NTN4: variants seen among roughly 807,000 people sequenced by gnomAD.
The protein encoded by NTN4 is netrin 4.
A neutral mutation model predicts 73.6 loss-of-function variants in NTN4; 32 were observed. That is an observed-to-expected ratio of 0.44 (90% CI 0.33 to 0.58). The LOEUF (loss-of-function observed/expected upper bound fraction) is 0.58. Ranked by LOEUF, NTN4 falls within the 20% of genes least tolerant of loss-of-function variation. The pLI, the probability that NTN4 is intolerant of heterozygous loss-of-function variation, is 0.04. For synonymous variants in NTN4, 258 were observed against 287.5 expected (o/e 0.90, Z 1.04); for missense variants, 654 against 798.3 (o/e 0.82, Z 2.18).
At chr12:95,767,122 C>T (rs185196917) in intron 2 of NTN4, among the ~76,000 whole-genome samples, 3 of 152,218 alleles carry the variant, frequency 2.0e-5, no homozygotes, top group Admixed American at 1.3e-4. Flanking sequence ...CGTGGAGCAC[C>T]CAGGGCTAGC....
At chr12:95,678,789 T>C (rs879707421) in intron 7 of NTN4, among the ~76,000 whole-genome samples, 6 of 151,954 alleles carry the variant, frequency 3.9e-5, no homozygotes, top group Non-Finnish European at 5.9e-5. Flanking sequence ...AAAAAAAAAG[T>C]GACACATATA....
chr12:95,722,973 C>CAAAA (rs71087998), intron 3 of NTN4, among the ~76,000 whole-genome samples: 4,496 of 55,284 alleles, frequency 0.081, 965 homozygotes, highest in Non-Finnish European at 0.11. Context: ...GACTCTGTCT[C>CAAAA]AAAAAAAAAA....
chr12:95,696,724 A>G (rs1214450322), intron 5 of NTN4, among the ~76,000 whole-genome samples: 1 of 152,242 alleles, frequency 6.6e-6, no homozygotes, highest in Non-Finnish European at 1.5e-5. Flanking sequence ...GTAGTACTGG[A>G]TACTGGATAC....
chr12:95,753,587 A>G (rs2078926131), intron 2 of NTN4, among the ~76,000 whole-genome samples: 1 of 149,766 alleles, frequency 6.7e-6, no homozygotes, highest in Non-Finnish European at 1.5e-5. Context: ...TATTAGTCAA[A>G]TCAGCCAAGC....
At chr12:95,726,871 G>A (rs909528587) in intron 3 of NTN4, among the ~76,000 whole-genome samples, 3 of 152,118 alleles carry the variant, frequency 2.0e-5, no homozygotes, top group Non-Finnish European at 4.4e-5. Context: ...TCAGAAGGCT[G>A]AGGCAGGAGA....
intron 2 of NTN4, among the ~76,000 whole-genome samples, chr12:95,753,405 G>A (rs1377458572): frequency 6.8e-6 from 1 of 147,356 alleles, no homozygotes; most frequent in Non-Finnish European, 1.5e-5. Context: ...AACATGTCCC[G>A]AGTCAGGAAA....
At chr12:95,778,213 A>G (rs142529364) in intron 2 of NTN4, among the ~76,000 whole-genome samples, 6,716 of 152,298 alleles carry the variant, frequency 0.044, 493 homozygotes, top group African/African-American at 0.15. Flanking sequence ...AAAGCAGGAA[A>G]TATCTAAAAT....
chr12:95,676,740 A>G (rs909678938), intron 7 of NTN4, among the ~76,000 whole-genome samples: 1 of 152,134 alleles, frequency 6.6e-6, no homozygotes, highest in African/African-American at 2.4e-5. Context: ...TTAGTGAAAT[A>G]AAGAAAAATT....
intron 2 of NTN4, 137 bp downstream of exon 2, chr12:95,786,802 T>G: frequency 1.4e-6 from 1 of 718,320 alleles, no homozygotes; most frequent in South Asian, 2.0e-5. Flanking sequence ...AGAAATAATT[T>G]ATGACAAATA....
At chr12:95,718,755 T>C (rs1245234959) in intron 3 of NTN4, among the ~76,000 whole-genome samples, 1 of 152,206 alleles carries the variant, frequency 6.6e-6, no homozygotes, top group Non-Finnish European at 1.5e-5. Context: ...GAAGACAGAC[T>C]TTCATTCATC....
chr12:95,763,634 CAT>C (rs1335151938), intron 2 of NTN4, among the ~76,000 whole-genome samples: 2 of 152,240 alleles, frequency 1.3e-5, no homozygotes, highest in Non-Finnish European at 2.9e-5. Flanking sequence ...CTCGTAAGCA[CAT>C]GTTACTAATG....
At position 95,658,187 on chromosome 12, in the gene NTN4, T is replaced by C. The variant is rs910117595; in HGVS notation, c.*899A>G. 2 of 152,212 alleles carry C rather than the reference T, an allele frequency of 1.3e-5. No individual in the cohort carries two copies. The highest frequency in any genetic ancestry group is 2.9e-5 in the Non-Finnish European group (2 of 68,040). The allele number at this position is 152,212 out of a possible 1,614,324, so 9.4% of individuals were successfully genotyped here. The stretch of plus-strand genomic sequence containing the variant: ...TGTCTACAATAATTTTTGAAGTGTA[T>C]ACAAGTGCATTGCAAATGAGCTCTT... On this transcript the variant is annotated 3_prime_UTR_variant, in exon 10 of 10. Coordinates refer to ENST00000343702, the MANE Select transcript of NTN4 (RefSeq NM_021229.4).
chr12:95,738,389 A>G (rs1365610734), intron 2 of NTN4, among the ~76,000 whole-genome samples: 1 of 152,216 alleles, frequency 6.6e-6, no homozygotes, highest in African/African-American at 2.4e-5. Context: ...CCCTTGAGAT[A>G]AAGGCAGCCA....
At chr12:95,682,080 T>TTTTTTTA (rs869040983) in intron 7 of NTN4, among the ~76,000 whole-genome samples, 5 of 118,456 alleles carry the variant, frequency 4.2e-5, no homozygotes, top group African/African-American at 1.1e-4. Context: ...TTTTTTTTTT[T>TTTTTTTA]GAGACAAGGT....
intron 3 of NTN4, among the ~76,000 whole-genome samples, chr12:95,718,147 T>G (rs894917512): frequency 1.3e-5 from 2 of 152,196 alleles, no homozygotes; most frequent in African/African-American, 4.8e-5. Context: ...CAAATAGGCA[T>G]GGAAGATAAA....
chr12:95,771,014 G>T (rs1285345863), intron 2 of NTN4, among the ~76,000 whole-genome samples: 1 of 96,862 alleles, frequency 1.0e-5, no homozygotes, highest in East Asian at 2.1e-4. Flanking sequence ...TTTTGAGACA[G>T]AGTCTCGCTC....
intron 2 of NTN4, among the ~76,000 whole-genome samples, chr12:95,778,787 G>T (rs2079112370): frequency 6.6e-6 from 1 of 152,180 alleles, no homozygotes. Context: ...TAGAAAAAGA[G>T]GGAATCCTCC....
At chr12:95,709,786 G>T (rs1266861211) in intron 5 of NTN4, among the ~76,000 whole-genome samples, 1 of 152,074 alleles carries the variant, frequency 6.6e-6, no homozygotes, top group Admixed American at 6.5e-5. Flanking sequence ...GCCTGCCTTG[G>T]CCTCCCAAAG....
At chr12:95,693,593 T>C (rs1486054653) in intron 5 of NTN4, among the ~76,000 whole-genome samples, 2 of 151,370 alleles carry the variant, frequency 1.3e-5, no homozygotes, top group African/African-American at 4.9e-5. Flanking sequence ...TAGCTGGGTA[T>C]GGTGGTGCAT....
Sources: allele counts gnomAD v4.1 joint callset (sites outside exome capture counted in the v4.1 genomes callset), GRCh38; gene constraint gnomAD v4.1.1; transcripts MANE v1.5; gene names NCBI Gene and HGNC (gene_info 2026-07-23, HGNC 2026-07-21).